The following RP1L1 variants were observed in gnomAD, a reference collection of about 807,000 sequenced individuals.
RP1L1 encodes the protein RP1 like 1.
RP1L1 carries 27 observed loss-of-function variants against 15.7 expected under a neutral mutation model. The ratio of observed to expected loss-of-function variants is 1.72; its 90% CI spans 1.27 to 2.38. RP1L1 has a LOEUF of 2.38. Among genes scored for constraint, RP1L1 ranks in the 30% most tolerant of loss-of-function variants. RP1L1 has a pLI of 0.00. For synonymous variants in RP1L1, 1,813 were observed against 1,276.7 expected (o/e 1.42, Z -8.96); for missense variants, 4,798 against 3,075.9 (o/e 1.56, Z -13.24).
intron 1 of RP1L1, among the ~76,000 whole-genome samples, chr8:10,630,351 C>A (rs1798222510): frequency 6.6e-6 from 1 of 152,248 alleles, no homozygotes; most frequent in African/African-American, 2.4e-5. Flanking sequence ...CAAGTCCTGC[C>A]TCTGCCCCAC....
chr8:10,623,773 T>C (rs1798114016), intron 1 of RP1L1, among the ~76,000 whole-genome samples: 2 of 152,214 alleles, frequency 1.3e-5, no homozygotes, highest in South Asian at 4.2e-4. Flanking sequence ...AGCATCACTA[T>C]GTCCCCAGCA....
At position 10,607,359 on chromosome 8, in the gene RP1L1, C is replaced by T; in HGVS notation, c.6739G>A (p.Gly2247Ser). ...AQPESEGETQ[G>S]EKKGSPQVSL... ...ACCTGAGGGCTCCCCTTTTTCTCAC[C>T]TTGAGTTTCTCCTTCTGACTCTGGC... Residue 2247 changes from glycine (G) to serine (S), a missense_variant, in exon 4 of 4, where the codon GGT becomes AGT. Gly to Ser is a moderately conservative substitution (Grantham distance 56). Coordinates refer to ENST00000382483, the MANE Select transcript of RP1L1 (RefSeq NM_178857.6). 1.2e-6 allele frequency: 2 copies of T among 1,614,132 alleles called. No homozygotes were observed. Among genetic ancestry groups the T allele is most frequent in the Non-Finnish European group, 1.7e-6 (2 of 1,179,958 alleles).
At position 10,611,692 on chromosome 8, in the gene RP1L1, G is replaced by A; in HGVS notation, c.2406C>T (p.Pro802=). The A allele has an allele frequency of 1.9e-6, 3 of 1,613,452 alleles. No individual in the cohort carries two copies. Among genetic ancestry groups the A allele is most frequent in the South Asian group, 1.1e-5 (1 of 91,088 alleles). Residue 802 remains proline, a synonymous_variant, in exon 4 of 4, where the codon CCC becomes CCT. Transcript: ENST00000382483. ...CAACCTGCAGAACCAAGGGTGAGGAGGGCTGAGGCGTGTCCCTGGCCTCTT... is the reference window on the plus strand; with the variant it reads ...CAACCTGCAGAACCAAGGGTGAGGAAGGCTGAGGCGTGTCCCTGGCCTCTT... The part of the protein sequence containing the change: ...LGEEARDTPQ[P]SSPLVLQVGR...
At chr8:10,631,296 A>AC (rs1798240417) in intron 1 of RP1L1, among the ~76,000 whole-genome samples, 1 of 112,346 alleles carries the variant, frequency 8.9e-6, no homozygotes, top group African/African-American at 3.5e-5. Flanking sequence ...CACGCACACA[A>AC]ACACGCATGC....
At chr8:10,616,200 T>G (rs916476608) in intron 3 of RP1L1, among the ~76,000 whole-genome samples, 8 of 152,206 alleles carry the variant, frequency 5.3e-5, no homozygotes, top group Non-Finnish European at 1.2e-4. Flanking sequence ...TGAGCCACCA[T>G]GCCCAGCCTC....
intron 2 of RP1L1, chr8:10,621,878 G>A (rs1375791931): frequency 2.3e-6 from 1 of 427,738 alleles, no homozygotes; most frequent in East Asian, 7.1e-5. Flanking sequence ...CATTCCTGCA[G>A]ACCCAGCTTC....
chr8:10,607,120 A>G lies in RP1L1; in HGVS notation c.6978T>C (p.Pro2326=), dbSNP rs763059353. 2 of 1,614,212 alleles carry G rather than the reference A, an allele frequency of 1.2e-6. No individual in the cohort carries two copies. Among genetic ancestry groups the G allele is most frequent in the Non-Finnish European group, 1.7e-6 (2 of 1,180,028 alleles). ...GAGGGGTCCCCGTGGACTTGGCATCAGGGCTCCTTGTGTCTCCAAGTACAT... is the reference window on the plus strand; with the variant it reads ...GAGGGGTCCCCGTGGACTTGGCATCGGGGCTCCTTGTGTCTCCAAGTACAT... ...NDHVLGDTRS[P]DAKSTGTPHA... is the part of the protein sequence containing the mutation. Residue 2326 remains proline (P), a synonymous_variant, in exon 4 of 4, where the codon CCT becomes CCC. Coordinates refer to ENST00000382483, the MANE Select transcript of RP1L1 (RefSeq NM_178857.6).
chr8:10,644,482 C>G (rs1409380198), intron 1 of RP1L1, among the ~76,000 whole-genome samples: 1 of 152,212 alleles, frequency 6.6e-6, no homozygotes, highest in Non-Finnish European at 1.5e-5. Context: ...TCCCCCAGCC[C>G]TTAGCTGTGC....
chr8:10,606,913 T>C lies in RP1L1; in HGVS notation c.7185A>G (p.Gln2395=). The change falls in exon 4 of 4, where the codon CAA becomes CAG. Residue 2395 remains glutamine (Q), a synonymous_variant. Transcript: ENST00000382483. ...EAVGRADGFG[Q]DDLDF ...ATCTTGTCTAGAAATCTAAGTCATC[T>C]TGGCCAAAGCCGTCTGCCCTGCCCA... 6.2e-7 allele frequency: 1 copy of C among 1,614,246 alleles called. No homozygotes were observed. The highest frequency in any genetic ancestry group is 1.3e-5 in the African/African-American group (1 of 75,080).
chr8:10,648,182 C>A (rs1463438200), intron 1 of RP1L1, among the ~76,000 whole-genome samples: 2 of 152,086 alleles, frequency 1.3e-5, no homozygotes, highest in Non-Finnish European at 2.9e-5. Context: ...TAGGCATGTG[C>A]CACCATGCCT....
Position 10,611,907 on chromosome 8 carries a change from C to T in RP1L1, c.2191G>A (p.Asp731Asn), listed in dbSNP as rs768251529. 5 of 1,613,776 alleles carry T rather than the reference C, an allele frequency of 3.1e-6. No individual in the cohort carries two copies. In the Admixed American group the frequency reaches 6.7e-5, roughly 22 times the overall value. Residue 731 changes from aspartate (D) to asparagine (N), a missense_variant, in exon 4 of 4, where the codon GAC (aspartate) becomes AAC (asparagine). Coordinates refer to ENST00000382483, the MANE Select transcript of RP1L1 (RefSeq NM_178857.6). ...PPSSGSLPSQ[D>N]LLGTSSATVT... is the part of the protein sequence containing the mutation. ...GTGGCACTGCTGGTTCCCAGAAGGT[C>T]CTGGGAAGGAAGAGAGCCCGAGGAG... is the stretch of plus-strand genomic sequence containing the variant.
intron 2 of RP1L1, among the ~76,000 whole-genome samples, chr8:10,619,362 G>T (rs1798022423): frequency 6.6e-6 from 1 of 152,228 alleles, no homozygotes; most frequent in South Asian, 2.1e-4. Flanking sequence ...ATGCAGAGAG[G>T]CATGTGCCAC....
intron 1 of RP1L1, among the ~76,000 whole-genome samples, chr8:10,626,041 G>A (rs918556564): frequency 2.6e-5 from 4 of 152,100 alleles, no homozygotes; most frequent in Non-Finnish European, 5.9e-5. Flanking sequence ...AGATTACGGG[G>A]CAAAAGGAGA....
chr8:10,615,280 C>G (rs1460878411), intron 3 of RP1L1, among the ~76,000 whole-genome samples: 5 of 152,222 alleles, frequency 3.3e-5, no homozygotes, highest in Non-Finnish European at 5.9e-5. Context: ...ATTTTTCCAT[C>G]ATCAGACTGC....
In RP1L1 at chr8:10,606,668, C is replaced by A. The variant is rs1422400381; in HGVS notation, c.*227G>T. ...CGATAACCGGGCAGATCCGCAGACACCCCCTTTCTTCACACTGCGTGTGGG... is the reference window on the plus strand; with the variant it reads ...CGATAACCGGGCAGATCCGCAGACAACCCCTTTCTTCACACTGCGTGTGGG... On this transcript the variant is annotated 3_prime_UTR_variant, in exon 4 of 4. Coordinates refer to ENST00000382483, the MANE Select transcript of RP1L1 (RefSeq NM_178857.6). 4 of 669,222 alleles carry A rather than the reference C, an allele frequency of 6.0e-6. No individual in the cohort carries two copies. Among genetic ancestry groups the A allele is most frequent in the African/African-American group, 1.8e-5 (1 of 55,062 alleles). The allele number at this position is 669,222 out of a possible 1,614,324, so 41.5% of individuals were successfully genotyped here. A position where few individuals can be genotyped will look rare whatever the true frequency, so the allele number is the denominator to read the frequency against.
rs375495523 is a variant in RP1L1, at chr8:10,616,678, C to A, written c.610-91G>T. Reference sequence around the variant, plus strand: ...GGGAGGAAGGATCCAGTCTCACCAGCCCTGTCCTGATTTCTGCACATCTCA... The same window carrying A: ...GGGAGGAAGGATCCAGTCTCACCAGACCTGTCCTGATTTCTGCACATCTCA... On this transcript the variant is annotated intron_variant, in intron 2 of 3. Transcript: ENST00000382483. The A allele has an allele frequency of 1.4e-4, 195 of 1,420,014 alleles. 1 individual carries two copies. The African/African-American group carries it at 2.4e-3, about 18-fold the overall frequency. The allele number at this position is 1,420,014 out of a possible 1,614,324, so 88.0% of individuals were successfully genotyped here.
chr8:10,626,623 A>C (rs1798161803), intron 1 of RP1L1, among the ~76,000 whole-genome samples: 1 of 152,154 alleles, frequency 6.6e-6, no homozygotes, highest in African/African-American at 2.4e-5. Flanking sequence ...ACCATTTAAG[A>C]AAGGAAGAAT....
chr8:10,612,924 T>G lies in RP1L1; in HGVS notation c.1174A>C (p.Arg392=). The G allele has an allele frequency of 6.2e-7, 1 of 1,613,030 alleles. No homozygotes were observed. The highest frequency in any genetic ancestry group is 1.1e-5 in the South Asian group (1 of 91,086). The change falls in exon 4 of 4, where the codon AGG becomes CGG. Residue 392 remains arginine, a synonymous_variant. Transcript: ENST00000382483. ...TGCCCGCCTCGGCCAAAGACTTCCC[T>G]GCATCCCACCCTGCAGGGCCGGGGT... ...WGPRPCRVGC[R]EVFGRGGQPG... is the part of the protein sequence containing the mutation.
chr8:10,635,894 A>T (rs1362610906), intron 1 of RP1L1, among the ~76,000 whole-genome samples: 1 of 152,256 alleles, frequency 6.6e-6, no homozygotes, highest in African/African-American at 2.4e-5. Flanking sequence ...AGACACTGGA[A>T]GATCCCCCGG....
Sources: gnomAD v4.1 joint callset for allele counts (sites outside exome capture counted in the v4.1 genomes callset) on GRCh38, gnomAD v4.1.1 for gene constraint, MANE v1.5 for transcripts, NCBI Gene and HGNC (gene_info 2026-07-23, HGNC 2026-07-21) for gene names.